The following TSHZ1 variants were observed in gnomAD, a reference collection of about 807,000 sequenced individuals.
TSHZ1 encodes the protein teashirt zinc finger homeobox 1.
Under a neutral mutation model 67.1 loss-of-function variants are expected in TSHZ1, and 12 were observed. That is an observed-to-expected ratio of 0.18 (90% CI 0.11 to 0.29). The LOEUF is 0.29. Among genes scored for constraint, TSHZ1 ranks in the 10% least tolerant of loss-of-function variants. The pLI is 1.00. For synonymous variants in TSHZ1, 632 were observed against 622.4 expected (o/e 1.02, Z -0.23); for missense variants, 1,305 against 1,413.9 (o/e 0.92, Z 1.23).
chr18:75,260,495 A>G (rs763046407), intron 1 of TSHZ1, among the ~76,000 whole-genome samples: 25 of 152,254 alleles, frequency 1.6e-4, no homozygotes, highest in Admixed American at 2.0e-4. Flanking sequence ...AATATGCAGA[A>G]GAGCACCAGC....
chr18:75,254,590 G>A (rs745814432), intron 1 of TSHZ1, among the ~76,000 whole-genome samples: 16 of 152,144 alleles, frequency 1.1e-4, no homozygotes, highest in Non-Finnish European at 1.6e-4. Flanking sequence ...CAAATTAAAA[G>A]TAGTAAATTG....
rs2023692023 is a variant in TSHZ1 at position 75,281,936 on chromosome 18, C to A, written c.41-3512C>A. Among the ~76,000 whole-genome samples the A allele has an allele frequency of 1.3e-5, 2 of 152,182 alleles. No individual in the cohort carries two copies. Among genetic ancestry groups the A allele is most frequent in the South Asian group, 2.1e-4 (1 of 4,830 alleles). On this transcript the variant is annotated intron_variant, in intron 1 of 1. Transcript: ENST00000580243. The surrounding 1 kb of genome is among the most constrained non-coding windows in gnomAD (Gnocchi z 5.3). ...CCTACCCGGTCAGAGGCTGCCTGATCACCCTGCTTTGCTTCTTCCCTGGGA... is the reference window on the plus strand; with the variant it reads ...CCTACCCGGTCAGAGGCTGCCTGATAACCCTGCTTTGCTTCTTCCCTGGGA...
chr18:75,222,545 C>T (rs76813526), intron 1 of TSHZ1, among the ~76,000 whole-genome samples: 21 of 152,140 alleles, frequency 1.4e-4, no homozygotes, highest in African/African-American at 3.1e-4. Context: ...AGGGATGGTC[C>T]GGGGCTTGAG....
chr18:75,247,713 G>A (rs1568359615), intron 1 of TSHZ1, among the ~76,000 whole-genome samples: 1 of 152,090 alleles, frequency 6.6e-6, no homozygotes. Context: ...GAGAGACGGA[G>A]GAGCAGTCAC....
Position 75,287,923 on chromosome 18 carries a change from A to G in TSHZ1, c.2516A>G (p.Asp839Gly). The change falls in exon 2 of 2, where the codon GAC becomes GGC. Residue 839 changes from aspartate to glycine, a missense_variant. By Grantham distance (94) the Asp-to-Gly change is moderately conservative (BLOSUM62 -1). This residue lies in a region of TSHZ1 where 909 missense variants were observed against 961.8 expected (regional missense o/e 0.95). Coordinates refer to ENST00000580243, the MANE Select transcript of TSHZ1 (RefSeq NM_001308210.2). This position sits in a 1 kb window ranked among gnomAD's most constrained non-coding sequence, Gnocchi z 5.0. ...CCTCTGCGGGAGAGCGCACTCATGG[A>G]CATCTCCGACATGGTGAAAAACCTC... ...ASPLRESALMDISDMVKNLTG... is the reference protein window; with the variant it reads ...ASPLRESALMGISDMVKNLTG... The G allele has an allele frequency of 6.2e-7, 1 of 1,614,170 alleles. No individual in the cohort carries two copies. Among genetic ancestry groups the G allele is most frequent in the Non-Finnish European group, 8.5e-7 (1 of 1,180,042 alleles).
At chr18:75,280,632 C>T (rs968361127) in intron 1 of TSHZ1, 17 of 509,984 alleles carry the variant, frequency 3.3e-5, no homozygotes, top group Middle Eastern at 1.0e-3. Context: ...TTGGGGAAGT[C>T]GGTCAACTTC....
chr18:75,235,827 G>A (rs186314205), intron 1 of TSHZ1, among the ~76,000 whole-genome samples: 167 of 152,296 alleles, frequency 1.1e-3, no homozygotes, highest in Non-Finnish European at 2.0e-3. Flanking sequence ...TGGTTTGGCA[G>A]CGACCTGCCT....
chr18:75,211,731 C>G lies in TSHZ1; in HGVS notation c.-146C>G, dbSNP rs2022693397. ...GTCCATGCGAGCGGCTCCCCGCGGT[C>G]CGCGGCGCGCCCGGAGCCCGGAGCC... On this transcript the variant is annotated 5_prime_UTR_variant, in exon 1 of 2. Transcript: ENST00000580243. 1 of 338,414 alleles carries G rather than the reference C, an allele frequency of 3.0e-6. No homozygotes were observed. The highest frequency in any genetic ancestry group is 6.7e-5 in the Admixed American group (1 of 15,002). 21.0% of individuals were successfully genotyped at this position (338,414 alleles called of 1,614,324 possible). A position where few individuals can be genotyped will look rare whatever the true frequency, so the allele number is the denominator to read the frequency against.
chr18:75,241,949 A>G (rs955338793), intron 1 of TSHZ1, among the ~76,000 whole-genome samples: 3 of 147,010 alleles, frequency 2.0e-5, no homozygotes, highest in African/African-American at 7.6e-5. Flanking sequence ...CTGATCTAGT[A>G]TGACCTCACC....
chr18:75,249,250 G>A (rs543695818), intron 1 of TSHZ1, among the ~76,000 whole-genome samples: 10 of 152,240 alleles, frequency 6.6e-5, no homozygotes, highest in South Asian at 4.1e-4. Context: ...TGGAGACCCC[G>A]GAGCCACACG....
At chr18:75,276,873 C>T (rs1299231839) in intron 1 of TSHZ1, among the ~76,000 whole-genome samples, 1 of 152,224 alleles carries the variant, frequency 6.6e-6, no homozygotes, top group Admixed American at 6.5e-5. Flanking sequence ...AACATCCATT[C>T]GTCTTTCACA....
chr18:75,272,273 G>A (rs1249676877), intron 1 of TSHZ1, among the ~76,000 whole-genome samples: 5 of 152,208 alleles, frequency 3.3e-5, no homozygotes, highest in Admixed American at 6.5e-5. Flanking sequence ...CACGCGAGGC[G>A]CCTTGGTCTC....
rs563808813 is a variant in TSHZ1, at chr18:75,249,478, TG to T, written c.41-35968del. The stretch of plus-strand genomic sequence containing the variant: ...CTCCTGCAGTGGATGGGGGTGGCTT[TG>T]GTAGGGGGGAAGGGTAGGTAACTTC... On this transcript the variant is annotated intron_variant, in intron 1 of 1. Transcript: ENST00000580243. 6.4e-5 allele frequency among the ~76,000 whole-genome samples: 7 copies of T among 109,990 alleles called. No homozygotes were observed. The East Asian group carries it at 1.8e-3, about 28-fold the overall frequency. The allele number at this position is 109,990 out of a possible 152,430, so 72.2% of individuals were successfully genotyped here.
chr18:75,257,002 G>T lies in TSHZ1; in HGVS notation c.41-28446G>T, dbSNP rs566771405. On this transcript the variant is annotated intron_variant, in intron 1 of 1. Coordinates refer to ENST00000580243, the MANE Select transcript of TSHZ1 (RefSeq NM_001308210.2). ...TTTAAAATATTCAGATAACTTGATT[G>T]TATTGCCTGTTTATCAAAAAAGAGT... Among the ~76,000 whole-genome samples the T allele has an allele frequency of 2.8e-4, 43 of 152,288 alleles. 1 individual carries two copies. The South Asian group carries it at 8.5e-3, about 30-fold the overall frequency.
intron 1 of TSHZ1, among the ~76,000 whole-genome samples, chr18:75,277,109 C>G (rs148249485): frequency 6.6e-6 from 1 of 152,140 alleles, no homozygotes; most frequent in South Asian, 2.1e-4. Flanking sequence ...AAGGCAGGCA[C>G]GGGGAAAAGA....
intron 1 of TSHZ1, among the ~76,000 whole-genome samples, chr18:75,271,558 C>T (rs1247815169): frequency 6.6e-6 from 1 of 152,146 alleles, no homozygotes; most frequent in Non-Finnish European, 1.5e-5. Flanking sequence ...TTTTGCTCCA[C>T]CAAAGTGTCA....
At chr18:75,246,450 G>A (rs1050264687) in intron 1 of TSHZ1, among the ~76,000 whole-genome samples, 1 of 151,252 alleles carries the variant, frequency 6.6e-6, no homozygotes, top group Non-Finnish European at 1.5e-5. Flanking sequence ...GTGTGTCAGA[G>A]AGAAAGAGAG....
intron 1 of TSHZ1, among the ~76,000 whole-genome samples, chr18:75,224,198 T>G (rs1448243957): frequency 1.3e-5 from 2 of 152,026 alleles, no homozygotes; most frequent in Non-Finnish European, 2.9e-5. Context: ...CACACTACGG[T>G]GCTTGTGCAT....
intron 1 of TSHZ1, among the ~76,000 whole-genome samples, chr18:75,243,086 C>T (rs963928715): frequency 2.0e-5 from 3 of 152,160 alleles, no homozygotes; most frequent in South Asian, 2.1e-4. Context: ...ATACCTGGAG[C>T]ACAGCCTAGG....
Sources: gnomAD v4.1 joint callset for allele counts (sites outside exome capture counted in the v4.1 genomes callset) on GRCh38, gnomAD v4.1.1 for gene constraint, gnomAD v4.1.1 regional missense constraint, Gnocchi (gnomAD v3.1) non-coding constraint, MANE v1.5 for transcripts, NCBI Gene and HGNC (gene_info 2026-07-23, HGNC 2026-07-21) for gene names.